Variants in LRP12 observed in about 807,000 individuals in gnomAD.
The protein encoded by LRP12 is LDL receptor related protein 12, also known as low-density lipoprotein receptor-related protein 12.
LRP12 carries 14 observed loss-of-function variants against 66.0 expected under a neutral mutation model. The ratio of observed to expected loss-of-function variants is 0.21; its 90% CI spans 0.14 to 0.33. The LOEUF (loss-of-function observed/expected upper bound fraction) is 0.33, where lower values mean the gene tolerates loss of function less well. LRP12 is among the 10% of genes least tolerant of loss of function. LRP12 has a pLI of 1.00. For missense variants in LRP12, 889 were observed against 1,053.4 expected (o/e 0.84, Z 2.16); for synonymous variants, 357 against 359.1 (o/e 0.99, Z 0.07).
At chr8:104,511,617 T>C (rs1810998861) in intron 2 of LRP12, among the ~76,000 whole-genome samples, 1 of 152,232 alleles carries the variant, frequency 6.6e-6, no homozygotes, top group African/African-American at 2.4e-5. Flanking sequence ...TAAAGAATTT[T>C]ATCCATAATG....
intron 1 of LRP12, among the ~76,000 whole-genome samples, chr8:104,584,895 T>C (rs758527761): frequency 4.9e-4 from 74 of 152,220 alleles, no homozygotes; most frequent in Non-Finnish European, 2.6e-4. Context: ...TTGGAATTTC[T>C]TGTCTACCCT....
At chr8:104,577,484 G>A (rs1429654759) in intron 1 of LRP12, among the ~76,000 whole-genome samples, 1 of 152,162 alleles carries the variant, frequency 6.6e-6, no homozygotes, top group African/African-American at 2.4e-5. Context: ...TGACTTTTGG[G>A]TAAATAATAA....
intron 1 of LRP12, among the ~76,000 whole-genome samples, chr8:104,547,894 T>G (rs1811621669): frequency 7.7e-6 from 1 of 129,318 alleles, no homozygotes; most frequent in Non-Finnish European, 1.5e-5. Context: ...ATTTTGTATA[T>G]AATATACAAT....
chr8:104,530,628 C>T (rs575360073), intron 2 of LRP12, among the ~76,000 whole-genome samples: 1 of 152,154 alleles, frequency 6.6e-6, no homozygotes, highest in East Asian at 1.9e-4. Flanking sequence ...CACACGTAGA[C>T]TAAAACAGGC....
chr8:104,491,371 C>A lies in LRP12; in HGVS notation c.1882G>T (p.Val628Phe), dbSNP rs771686570. The A allele has an allele frequency of 6.2e-7, 1 of 1,614,096 alleles. No individual in the cohort carries two copies. Among genetic ancestry groups the A allele is most frequent in the South Asian group, 1.1e-5 (1 of 91,080 alleles). ...LALVSADGDEVVPSQSTSREP... is the reference protein window; with the variant it reads ...LALVSADGDEFVPSQSTSREP... Reference sequence around the variant, plus strand: ...CTACTGGTACTCTGACTAGGGACAACCTCATCTCCATCTGCTGAGACCAAA... The same window carrying A: ...CTACTGGTACTCTGACTAGGGACAAACTCATCTCCATCTGCTGAGACCAAA... The change falls in exon 7 of 7, where the codon GTT becomes TTT. Residue 628 changes from valine (V) to phenylalanine (F), a missense_variant. Around this residue, in one of 3 missense-constraint regions of LRP12, gnomAD observed 800 missense variants for 964.5 expected, o/e 0.83. Transcript: ENST00000276654.
In LRP12 at chr8:104,491,402, T is replaced by C. The variant is rs1460984236; in HGVS notation, c.1851A>G (p.Ser617=). The change falls in exon 7 of 7, where the codon TCA becomes TCG. Residue 617 remains serine (S), a synonymous_variant. Transcript: ENST00000276654. ...CTCCATCTGCTGAGACCAAAGCCAATGACCCAGAATGACGTGATCTTGCAA... is the reference window on the plus strand; with the variant it reads ...CTCCATCTGCTGAGACCAAAGCCAACGACCCAGAATGACGTGATCTTGCAA... ...FNFARSRHSG[S]LALVSADGDE... The C allele has an allele frequency of 1.2e-6, 2 of 1,614,106 alleles. No individual in the cohort carries two copies.
chr8:104,532,633 G>A (rs1424985786), intron 1 of LRP12, among the ~76,000 whole-genome samples: 2 of 152,036 alleles, frequency 1.3e-5, no homozygotes, highest in Non-Finnish European at 2.9e-5. Context: ...AATTCTCCTC[G>A]GAGTCAGGTG....
intron 1 of LRP12, among the ~76,000 whole-genome samples, chr8:104,561,727 T>C (rs1039095944): frequency 4.6e-5 from 7 of 152,224 alleles, no homozygotes; most frequent in Non-Finnish European, 2.9e-5. Flanking sequence ...GCCTTCGTTA[T>C]ATTCTTTCAT....
At chr8:104,548,600 A>AATTATATAATTAAATTAAGTATATAATT (rs1811673185) in intron 1 of LRP12, among the ~76,000 whole-genome samples, 1 of 112,866 alleles carries the variant, frequency 8.9e-6, no homozygotes, top group African/African-American at 3.7e-5. Context: ...TATAATATAG[A>AATTATATAATTAAATTAAGTATATAATT]ATTATATAAT....
intron 1 of LRP12, among the ~76,000 whole-genome samples, chr8:104,558,430 T>A (rs1251159449): frequency 6.6e-6 from 1 of 152,166 alleles, no homozygotes; most frequent in African/African-American, 2.4e-5. Flanking sequence ...TGGATCCTCA[T>A]CTTTCATTTT....
chr8:104,491,156 A>G lies in LRP12; in HGVS notation c.2097T>C (p.Ser699=). The change falls in exon 7 of 7, where the codon AGT becomes AGC. Residue 699 remains serine (S), a synonymous_variant. Transcript: ENST00000276654. Reference sequence around the variant, plus strand: ...CATTATCTGCATGACCACCTCGGGTACTCTGAGTTGAGGAACTTGCACATG... The same window carrying G: ...CATTATCTGCATGACCACCTCGGGTGCTCTGAGTTGAGGAACTTGCACATG... ...VGACASSSTQ[S]TRGGHADNGR... is the part of the protein sequence containing the mutation. 2.5e-6 allele frequency: 4 copies of G among 1,614,052 alleles called. No homozygotes were observed. Among genetic ancestry groups the G allele is most frequent in the Non-Finnish European group, 3.4e-6 (4 of 1,180,008 alleles).
intron 2 of LRP12, among the ~76,000 whole-genome samples, chr8:104,531,311 A>G (rs1308004718): frequency 6.6e-6 from 1 of 152,158 alleles, no homozygotes; most frequent in Non-Finnish European, 1.5e-5. Context: ...GAAGTGGCCT[A>G]AGAATAAAAA....
At chr8:104,546,549 C>T (rs936096770) in intron 1 of LRP12, among the ~76,000 whole-genome samples, 5 of 152,020 alleles carry the variant, frequency 3.3e-5, no homozygotes, top group Non-Finnish European at 5.9e-5. Context: ...ATTATGGATG[C>T]GAAAACTCAC....
chr8:104,494,631 T>C (rs1810693589), intron 6 of LRP12, among the ~76,000 whole-genome samples: 2 of 152,300 alleles, frequency 1.3e-5, no homozygotes, highest in South Asian at 4.1e-4. Context: ...TGCTATAAAT[T>C]GTTAAACACT....
chr8:104,513,580 AT>A (rs1403319397), intron 2 of LRP12, among the ~76,000 whole-genome samples: 1 of 152,126 alleles, frequency 6.6e-6, no homozygotes, highest in Non-Finnish European at 1.5e-5. Context: ...GCTAAATCCA[AT>A]GGACACTCAT....
chr8:104,577,217 C>G (rs916514803), intron 1 of LRP12, among the ~76,000 whole-genome samples: 10 of 152,106 alleles, frequency 6.6e-5, no homozygotes, highest in African/African-American at 2.4e-4. Flanking sequence ...GAATTCAGCA[C>G]TAGATCAAAC....
chr8:104,528,521 T>C (rs1328771491), intron 2 of LRP12, among the ~76,000 whole-genome samples: 2 of 152,190 alleles, frequency 1.3e-5, no homozygotes, highest in African/African-American at 2.4e-5. Flanking sequence ...ATGCCTGTAA[T>C]GCCAGCACTT....
In LRP12 at chr8:104,510,328, G is replaced by A. The variant is rs558561491; in HGVS notation, c.137-1254C>T. Among the ~76,000 whole-genome samples, 2 of 152,170 alleles carry A rather than the reference G, an allele frequency of 1.3e-5. 1 individual carries two copies. The highest frequency in any genetic ancestry group is 4.1e-4 in the South Asian group (2 of 4,822). On this transcript the variant is annotated intron_variant, in intron 2 of 6. Transcript: ENST00000276654. ...AATACTTCCAAGCTATTTATTACAG[G>A]GTTATGAATGATTCCTACATTATTT... is the stretch of plus-strand genomic sequence containing the variant.
intron 1 of LRP12, among the ~76,000 whole-genome samples, chr8:104,554,485 T>C (rs188506171): frequency 1.9e-4 from 29 of 151,766 alleles, no homozygotes; most frequent in East Asian, 9.7e-4. Flanking sequence ...GGAAAATACA[T>C]TGGAAAATTG....
Sources: gnomAD v4.1 joint callset for allele counts (sites outside exome capture counted in the v4.1 genomes callset) on GRCh38, gnomAD v4.1.1 for gene constraint, gnomAD v4.1.1 regional missense constraint, MANE v1.5 for transcripts, NCBI Gene and HGNC (gene_info 2026-07-23, HGNC 2026-07-21) for gene names.